The following SEMA6D variants were observed in gnomAD, a reference collection of about 807,000 sequenced individuals.
SEMA6D encodes the protein semaphorin 6D.
Under a neutral mutation model 106.6 loss-of-function variants are expected in SEMA6D, and 35 were observed. That is an observed-to-expected ratio of 0.33 (90% CI 0.25 to 0.44). The LOEUF is 0.44. Ranked by LOEUF, SEMA6D falls within the 20% of genes least tolerant of loss-of-function variation. SEMA6D has a pLI of 1.00. For missense variants in SEMA6D, 1,185 were observed against 1,345.9 expected (o/e 0.88, Z 1.87); for synonymous variants, 499 against 487.7 (o/e 1.02, Z -0.31).
chr15:47,291,929 G>A (rs1195997749), intron 1 of SEMA6D, among the ~76,000 whole-genome samples: 4 of 152,124 alleles, frequency 2.6e-5, no homozygotes, highest in South Asian at 2.1e-4. Context: ...CTGTTCTCGC[G>A]TGAAATCAAG....
intron 1 of SEMA6D, chr15:47,274,175 G>C (rs1053482555): frequency 2.0e-5 from 3 of 152,112 alleles, no homozygotes; most frequent in African/African-American, 7.2e-5. Flanking sequence ...ACATCCGCCT[G>C]CTTGTTTAAG....
At chr15:47,731,350 G>GA (rs2080111305) in intron 1 of SEMA6D, among the ~76,000 whole-genome samples, 1 of 151,920 alleles carries the variant, frequency 6.6e-6, no homozygotes, top group African/African-American at 2.4e-5. Context: ...AACTGAGAAG[G>GA]CAAATGAGTT....
At chr15:47,228,443 C>G (rs548000028) in intron 1 of SEMA6D, among the ~76,000 whole-genome samples, 13 of 148,906 alleles carry the variant, frequency 8.7e-5, no homozygotes, top group African/African-American at 3.0e-4. Flanking sequence ...AATGATAGCT[C>G]TGTCCCAGAA....
chr15:47,504,657 G>A lies in SEMA6D; in HGVS notation c.-87+34112G>A, dbSNP rs146134451. Among the ~76,000 whole-genome samples, 847 of 152,094 alleles carry A rather than the reference G, an allele frequency of 5.6e-3. 6 individuals are homozygous for A. Among genetic ancestry groups the A allele is most frequent in the Admixed American group, 0.015 (229 of 15,268 alleles). ...ATATGTCTTTGATGTGCCACAAAAC[G>A]GGTGCCTTAATATGCCCTCTAAGTG... On this transcript the variant is annotated intron_variant, in intron 3 of 19. Coordinates refer to the SEMA6D transcript ENST00000558014.
intron 3 of SEMA6D, among the ~76,000 whole-genome samples, chr15:47,476,196 G>A (rs1782555877): frequency 6.6e-6 from 1 of 152,162 alleles, no homozygotes; most frequent in Non-Finnish European, 1.5e-5. Flanking sequence ...AGAATGCTGG[G>A]AATTAGTTGA....
chr15:47,338,828 T>C (rs1209610517), intron 1 of SEMA6D, among the ~76,000 whole-genome samples: 1 of 152,170 alleles, frequency 6.6e-6, no homozygotes, highest in Non-Finnish European at 1.5e-5. Context: ...TCTGTGACCT[T>C]CTCCTGTCGT....
chr15:47,467,006 G>A (rs1567099953), intron 2 of SEMA6D, among the ~76,000 whole-genome samples: 1 of 151,646 alleles, frequency 6.6e-6, no homozygotes, highest in Admixed American at 6.6e-5. Flanking sequence ...TGGGATTACA[G>A]GCATGAGCTA....
intron 4 of SEMA6D, among the ~76,000 whole-genome samples, chr15:47,613,860 C>T (rs929117833): frequency 6.6e-6 from 1 of 151,964 alleles, no homozygotes. Flanking sequence ...GGGGTTTCAC[C>T]GTGGTCTCAA....
At chr15:47,611,077 A>G (rs556367522) in intron 4 of SEMA6D, among the ~76,000 whole-genome samples, 1 of 152,140 alleles carries the variant, frequency 6.6e-6, no homozygotes, top group South Asian at 2.1e-4. Context: ...CAGCCTAAGG[A>G]GGCAACAGCA....
chr15:47,574,058 A>G (rs1332287942), intron 3 of SEMA6D, among the ~76,000 whole-genome samples: 1 of 152,066 alleles, frequency 6.6e-6, no homozygotes, highest in African/African-American at 2.4e-5. Context: ...ATTTCATAGG[A>G]TCCAGGCAAG....
chr15:47,631,843 T>C (rs1485638580), intron 4 of SEMA6D, among the ~76,000 whole-genome samples: 1 of 151,946 alleles, frequency 6.6e-6, no homozygotes, highest in Non-Finnish European at 1.5e-5. Context: ...GGGAAACCAA[T>C]ATATTCTTCT....
At chr15:47,205,925 C>T (rs1274995262) in intron 1 of SEMA6D, among the ~76,000 whole-genome samples, 1 of 120,882 alleles carries the variant, frequency 8.3e-6, no homozygotes, top group Non-Finnish European at 1.8e-5. Flanking sequence ...ATTTGAACAA[C>T]ATTTATTTAT....
intron 1 of SEMA6D, among the ~76,000 whole-genome samples, chr15:47,332,731 G>A (rs2037391396): frequency 6.6e-6 from 1 of 152,170 alleles, no homozygotes; most frequent in African/African-American, 2.4e-5. Flanking sequence ...AGCCTTATCT[G>A]CCAGATTAGC....
chr15:47,586,894 T>TG (rs2076350855), intron 3 of SEMA6D, among the ~76,000 whole-genome samples: 1 of 150,510 alleles, frequency 6.6e-6, no homozygotes, highest in African/African-American at 2.4e-5. Flanking sequence ...ACAGGTTTTT[T>TG]TTTTTTTTTT....
At chr15:47,205,883 A>G (rs1361000078) in intron 1 of SEMA6D, among the ~76,000 whole-genome samples, 1 of 152,212 alleles carries the variant, frequency 6.6e-6, no homozygotes, top group East Asian at 1.9e-4. Flanking sequence ...ATATGCATAA[A>G]TAAAAATAGT....
intron 2 of SEMA6D, among the ~76,000 whole-genome samples, chr15:47,439,768 C>T (rs1054098040): frequency 6.6e-6 from 1 of 152,054 alleles, no homozygotes. Context: ...TGAAAAGTAA[C>T]TTGAGGTCTC....
chr15:47,479,865 C>CTTTTTTT (rs887943372), intron 3 of SEMA6D, among the ~76,000 whole-genome samples: 1 of 126,186 alleles, frequency 7.9e-6, no homozygotes. Context: ...TCTTATCATT[C>CTTTTTTT]TTTTTTTTTT....
intron 1 of SEMA6D, among the ~76,000 whole-genome samples, chr15:47,270,987 A>G (rs1247974047): frequency 6.6e-6 from 1 of 152,188 alleles, no homozygotes; most frequent in Non-Finnish European, 1.5e-5. Context: ...ACAGACATCT[A>G]ATACCTCACT....
chr15:47,639,400 A>C (rs1322245475), intron 4 of SEMA6D, among the ~76,000 whole-genome samples: 3 of 152,232 alleles, frequency 2.0e-5, no homozygotes, highest in Non-Finnish European at 4.4e-5. Flanking sequence ...ACTTATACAT[A>C]AAATGATTGA....
Sources: gnomAD v4.1 joint callset for allele counts (sites outside exome capture counted in the v4.1 genomes callset) on GRCh38, gnomAD v4.1.1 for gene constraint, MANE v1.5 for transcripts, NCBI Gene and HGNC (gene_info 2026-07-23, HGNC 2026-07-21) for gene names.